Variants in DLG2 observed in about 807,000 individuals in gnomAD.
DLG2 encodes discs large MAGUK scaffold protein 2, also known as disks large homolog 2.
In DLG2, 45 loss-of-function variants were observed where a neutral mutation model predicts 132.5. The ratio of observed to expected loss-of-function variants is 0.34; its 90% CI spans 0.27 to 0.44. The LOEUF is 0.44. Among genes scored for constraint, DLG2 ranks in the 20% least tolerant of loss-of-function variants. The pLI, the probability that DLG2 is intolerant of heterozygous loss-of-function variation, is 1.00. For synonymous variants in DLG2, 424 were observed against 419.6 expected (o/e 1.01, Z -0.13); for missense variants, 1,045 against 1,196.9 (o/e 0.87, Z 1.87).
intron 18 of DLG2, among the ~76,000 whole-genome samples, chr11:83,717,832 T>G (rs1271617938): frequency 1.3e-5 from 2 of 152,148 alleles, no homozygotes; most frequent in Admixed American, 6.5e-5. Context: ...CAGACTGTGG[T>G]TTGAAATGCC....
intron 4 of DLG2, among the ~76,000 whole-genome samples, chr11:85,205,912 T>C (rs186375787): frequency 1.5e-3 from 233 of 152,300 alleles, no homozygotes; most frequent in South Asian, 3.1e-3. Context: ...TGCATTCCTT[T>C]ACATAATCAA....
chr11:84,512,729 T>C (rs78620308), intron 7 of DLG2, among the ~76,000 whole-genome samples: 13,712 of 151,434 alleles, frequency 0.091, 723 homozygotes, highest in Middle Eastern at 0.13. Context: ...AGCAAAGTGC[T>C]GAGTAAAAAA....
chr11:83,599,402 T>C (rs2058152965), intron 19 of DLG2, among the ~76,000 whole-genome samples: 1 of 152,150 alleles, frequency 6.6e-6, no homozygotes, highest in Non-Finnish European at 1.5e-5. Context: ...CTTCCTCTGA[T>C]TGGAAAACTG....
chr11:83,702,885 T>C (rs1007590660), intron 18 of DLG2, among the ~76,000 whole-genome samples: 2 of 152,214 alleles, frequency 1.3e-5, no homozygotes, highest in African/African-American at 4.8e-5. Context: ...CATACAAATT[T>C]TATTAGTTAA....
chr11:85,016,820 G>T (rs145061333), intron 6 of DLG2, among the ~76,000 whole-genome samples: 2 of 152,036 alleles, frequency 1.3e-5, no homozygotes, highest in African/African-American at 2.4e-5. Context: ...TATTAGGTGT[G>T]TTCTCCCTGC....
At chr11:83,987,599 T>G (rs4944456) in intron 11 of DLG2, among the ~76,000 whole-genome samples, 5 of 152,092 alleles carry the variant, frequency 3.3e-5, no homozygotes, top group Non-Finnish European at 5.9e-5. Flanking sequence ...AATGGGGAAA[T>G]GATTCCCAAT....
chr11:84,759,792 T>C (rs1437701997), intron 6 of DLG2, among the ~76,000 whole-genome samples: 1 of 152,196 alleles, frequency 6.6e-6, no homozygotes, highest in African/African-American at 2.4e-5. Flanking sequence ...GTGATCTTTT[T>C]TTTTTCCTTA....
intron 18 of DLG2, among the ~76,000 whole-genome samples, chr11:83,744,781 G>A (rs1490049083): frequency 6.6e-6 from 1 of 152,172 alleles, no homozygotes; most frequent in Non-Finnish European, 1.5e-5. Flanking sequence ...CTTGGCACAA[G>A]GCTTTGGTAT....
intron 6 of DLG2, among the ~76,000 whole-genome samples, chr11:84,943,605 A>C (rs988093635): frequency 2.0e-5 from 3 of 152,188 alleles, no homozygotes; most frequent in Admixed American, 6.5e-5. Context: ...AGAGGAGCAA[A>C]AAGAAAACTA....
intron 18 of DLG2, among the ~76,000 whole-genome samples, chr11:83,650,177 C>A (rs538761534): frequency 1.7e-4 from 26 of 152,286 alleles, no homozygotes; most frequent in Admixed American, 7.2e-4. Context: ...TATCTATATC[C>A]TAATCCCGAG....
At chr11:84,860,072 C>G (rs1445772605) in intron 6 of DLG2, among the ~76,000 whole-genome samples, 2 of 151,996 alleles carry the variant, frequency 1.3e-5, no homozygotes, top group African/African-American at 4.8e-5. Context: ...CTTGGCATCC[C>G]CAGGATCTAG....
At chr11:84,753,937 G>C (rs112812782) in intron 6 of DLG2, among the ~76,000 whole-genome samples, 1 of 152,326 alleles carries the variant, frequency 6.6e-6, no homozygotes, top group African/African-American at 2.4e-5. Context: ...CTGAGAGGTA[G>C]AGAAAGATGA....
At chr11:84,187,693 T>A (rs2096305890) in intron 8 of DLG2, among the ~76,000 whole-genome samples, 2 of 151,792 alleles carry the variant, frequency 1.3e-5, no homozygotes, top group African/African-American at 2.4e-5. Flanking sequence ...GATTTTAGGA[T>A]AAAAAAAATA....
At chr11:84,255,417 A>C (rs1381296591) in intron 7 of DLG2, among the ~76,000 whole-genome samples, 1 of 152,062 alleles carries the variant, frequency 6.6e-6, no homozygotes. Flanking sequence ...TTCACCTTCC[A>C]GGTTCAAGTG....
chr11:84,745,662 A>T (rs566839118), intron 6 of DLG2, among the ~76,000 whole-genome samples: 1 of 152,330 alleles, frequency 6.6e-6, no homozygotes, highest in East Asian at 1.9e-4. Flanking sequence ...ATAAGCAATT[A>T]TAAAGAGAGC....
At chr11:83,988,626 C>A (rs954777087) in intron 11 of DLG2, among the ~76,000 whole-genome samples, 1 of 152,118 alleles carries the variant, frequency 6.6e-6, no homozygotes, top group East Asian at 1.9e-4. Flanking sequence ...TCCTTCACTT[C>A]TCTTGTTAGC....
intron 6 of DLG2, among the ~76,000 whole-genome samples, chr11:84,537,006 A>T (rs1256047383): frequency 2.0e-5 from 3 of 152,152 alleles, no homozygotes; most frequent in Non-Finnish European, 4.4e-5. Flanking sequence ...GTCCTCCTTG[A>T]AAACTTCCAA....
In DLG2 at chr11:83,484,156, T is replaced by G. The variant is rs1268543426; in HGVS notation, c.2266A>C (p.Ser756Arg). The G allele has an allele frequency of 6.2e-7, 1 of 1,613,320 alleles. No homozygotes were observed. The highest frequency in any genetic ancestry group is 8.5e-7 in the Non-Finnish European group (1 of 1,179,536). Residue 756 changes from serine (S) to arginine (R), a missense_variant, in exon 22 of 28, where the codon AGT becomes CGT. Coordinates refer to ENST00000376104, the MANE Select transcript of DLG2 (RefSeq NM_001142699.3). ...KFPFYKNKEQSEQETSDPERG... is the reference protein window; with the variant it reads ...KFPFYKNKEQREQETSDPERG... ...TCAGGATCACTGGTTTCCTGCTCAC[T>G]CTGCTCCTTGTTCTTGTAGAATGGG... is the stretch of plus-strand genomic sequence containing the variant.
At chr11:83,794,437 GTTTTTTTTTTTTT>G (rs200672667) in intron 17 of DLG2, among the ~76,000 whole-genome samples, 2 of 127,498 alleles carry the variant, frequency 1.6e-5, no homozygotes, top group South Asian at 4.8e-4. Flanking sequence ...TTTACTATTG[GTTTTTTTTTTTTT>G]TTTTTTTTTT....
Sources: allele counts gnomAD v4.1 joint callset (sites outside exome capture counted in the v4.1 genomes callset), GRCh38; gene constraint gnomAD v4.1.1; transcripts MANE v1.5; gene names NCBI Gene and HGNC (gene_info 2026-07-23, HGNC 2026-07-21).